The following PHACTR3 variants were observed in gnomAD, a reference collection of about 807,000 sequenced individuals.
The protein encoded by PHACTR3 is phosphatase and actin regulator 3, also known as protein phosphatase 1, regulatory subunit 123.
A neutral mutation model predicts 66.8 loss-of-function variants in PHACTR3; 16 were observed. The ratio of observed to expected loss-of-function variants is 0.24; its 90% CI spans 0.16 to 0.36. PHACTR3 has a LOEUF of 0.36. Ranked by LOEUF, PHACTR3 falls within the 10% of genes least tolerant of loss-of-function variation. The probability of loss-of-function intolerance (pLI) is 1.00; values close to 1 mark genes in which losing one functional copy is unlikely to be tolerated. For synonymous variants in PHACTR3, 323 were observed against 292.1 expected (o/e 1.11, Z -1.08); for missense variants, 647 against 719.9 (o/e 0.90, Z 1.16).
intron 1 of PHACTR3, among the ~76,000 whole-genome samples, chr20:59,711,888 C>T (rs1023677801): frequency 2.0e-5 from 3 of 152,028 alleles, no homozygotes; most frequent in South Asian, 2.1e-4. Flanking sequence ...CTTCTGAAAA[C>T]GATTGAAAAC....
intron 5 of PHACTR3, among the ~76,000 whole-genome samples, chr20:59,771,596 A>G (rs1257131321): frequency 9.7e-6 from 1 of 103,234 alleles, no homozygotes; most frequent in African/African-American, 3.9e-5. Flanking sequence ...CCCTCCCTCC[A>G]CCACTCTCTC....
chr20:59,647,914 G>A (rs949824232), intron 1 of PHACTR3, among the ~76,000 whole-genome samples: 4 of 152,284 alleles, frequency 2.6e-5, no homozygotes, highest in Admixed American at 2.0e-4. Context: ...TGCCAGCCTT[G>A]CAACTTTCCA....
chr20:59,622,069 T>C (rs2034260497), intron 1 of PHACTR3, among the ~76,000 whole-genome samples: 1 of 152,150 alleles, frequency 6.6e-6, no homozygotes, highest in Non-Finnish European at 1.5e-5. Context: ...TGTTTGTGCA[T>C]ATATATATGT....
intron 7 of PHACTR3, among the ~76,000 whole-genome samples, chr20:59,794,149 G>C (rs2041186845): frequency 6.7e-6 from 1 of 149,436 alleles, no homozygotes; most frequent in Non-Finnish European, 1.5e-5. Flanking sequence ...AAAAAGAGTG[G>C]TCATCCTTGT....
intron 1 of PHACTR3, among the ~76,000 whole-genome samples, chr20:59,670,547 G>T (rs2036152346): frequency 1.5e-5 from 2 of 135,956 alleles, no homozygotes; most frequent in South Asian, 4.7e-4. Context: ...AAGCCTCCAT[G>T]TTCTCTCTGC....
At chr20:59,627,125 A>G (rs1600949265) in intron 1 of PHACTR3, among the ~76,000 whole-genome samples, 1 of 152,218 alleles carries the variant, frequency 6.6e-6, no homozygotes, top group African/African-American at 2.4e-5. Flanking sequence ...GACAATCCTC[A>G]GCTGACGAAA....
chr20:59,663,337 C>T (rs1330766116), intron 1 of PHACTR3, among the ~76,000 whole-genome samples: 1 of 152,180 alleles, frequency 6.6e-6, no homozygotes, highest in Non-Finnish European at 1.5e-5. Flanking sequence ...CTAAGGATGG[C>T]TCCGGCTGGC....
intron 1 of PHACTR3, among the ~76,000 whole-genome samples, chr20:59,625,975 G>A (rs1315393469): frequency 6.6e-6 from 1 of 152,162 alleles, no homozygotes; most frequent in Non-Finnish European, 1.5e-5. Context: ...AGAGATCTTA[G>A]TGCTTCTATT....
At chr20:59,757,189 G>A (rs1468525816) in intron 4 of PHACTR3, among the ~76,000 whole-genome samples, 1 of 152,234 alleles carries the variant, frequency 6.6e-6, no homozygotes, top group Non-Finnish European at 1.5e-5. Flanking sequence ...CCCCAAGGGA[G>A]GCAGGGCTGC....
At chr20:59,695,775 C>G (rs2037275643) in intron 1 of PHACTR3, among the ~76,000 whole-genome samples, 1 of 151,848 alleles carries the variant, frequency 6.6e-6, no homozygotes, top group Admixed American at 6.6e-5. Flanking sequence ...CTCTGTTGCC[C>G]AGGCTGGAGT....
At chr20:59,702,467 T>G (rs1233376235) in intron 1 of PHACTR3, among the ~76,000 whole-genome samples, 1 of 152,246 alleles carries the variant, frequency 6.6e-6, no homozygotes, top group Non-Finnish European at 1.5e-5. Flanking sequence ...GATGCCCTCC[T>G]GACCCCCTTA....
At chr20:59,690,360 C>T (rs544178564) in intron 1 of PHACTR3, among the ~76,000 whole-genome samples, 100 of 152,358 alleles carry the variant, frequency 6.6e-4, no homozygotes, top group Non-Finnish European at 1.2e-3. Flanking sequence ...GTCATCCTGT[C>T]TGATGCCCTT....
intron 1 of PHACTR3, among the ~76,000 whole-genome samples, chr20:59,679,539 G>A (rs35218542): frequency 0.029 from 4,412 of 152,170 alleles, 82 homozygotes; most frequent in Middle Eastern, 0.054. Context: ...GTAAATCAAG[G>A]TCACCCACAT....
At chr20:59,803,237 C>T (rs183357154) in intron 7 of PHACTR3, among the ~76,000 whole-genome samples, 1 of 152,246 alleles carries the variant, frequency 6.6e-6, no homozygotes, top group East Asian at 1.9e-4. Flanking sequence ...ACATTCTTCT[C>T]AAAATTCCAC....
At chr20:59,714,639 C>A (rs927333354) in intron 1 of PHACTR3, among the ~76,000 whole-genome samples, 3 of 152,050 alleles carry the variant, frequency 2.0e-5, no homozygotes, top group Admixed American at 1.3e-4. Context: ...TGTTTTTTTT[C>A]TTCAAGATCA....
intron 1 of PHACTR3, among the ~76,000 whole-genome samples, chr20:59,707,017 A>G (rs894177925): frequency 6.6e-6 from 1 of 152,250 alleles, no homozygotes; most frequent in Non-Finnish European, 1.5e-5. Flanking sequence ...AGAATCTTTT[A>G]GTAATGAGTA....
At chr20:59,616,928 A>C (rs1470274572) in intron 1 of PHACTR3, among the ~76,000 whole-genome samples, 2 of 151,686 alleles carry the variant, frequency 1.3e-5, no homozygotes, top group Non-Finnish European at 2.9e-5. Flanking sequence ...CGTTGCCTGC[A>C]CTCTCATTCA....
At chr20:59,580,867 C>G (rs1012936178) in intron 1 of PHACTR3, among the ~76,000 whole-genome samples, 9 of 152,204 alleles carry the variant, frequency 5.9e-5, no homozygotes, top group African/African-American at 2.2e-4. Flanking sequence ...GGACTAGACA[C>G]ACAGAAGCAA....
At chr20:59,796,272 A>T (rs762920958) in intron 7 of PHACTR3, among the ~76,000 whole-genome samples, 1 of 152,126 alleles carries the variant, frequency 6.6e-6, no homozygotes, top group Non-Finnish European at 1.5e-5. Flanking sequence ...GTTTTTAATT[A>T]TGCTGCCTTA....
Sources: gnomAD v4.1 joint callset for allele counts (sites outside exome capture counted in the v4.1 genomes callset) on GRCh38, gnomAD v4.1.1 for gene constraint, MANE v1.5 for transcripts, NCBI Gene and HGNC (gene_info 2026-07-23, HGNC 2026-07-21) for gene names.